Variants in CYRIB observed in about 807,000 individuals in gnomAD.
CYRIB encodes the protein CYFIP related Rac1 interactor B, also known as CYFIP-related Rac1 interactor B.
A neutral mutation model predicts 44.2 loss-of-function variants in CYRIB; 8 were observed. The observed-to-expected ratio is 0.18, with a 90% confidence interval of 0.11 to 0.33. The LOEUF (loss-of-function observed/expected upper bound fraction) is 0.33, where lower values mean the gene tolerates loss of function less well. Among genes scored for constraint, CYRIB ranks in the 10% least tolerant of loss-of-function variants. CYRIB has a pLI of 1.00. For missense variants in CYRIB, 185 were observed against 382.8 expected, an observed-to-expected ratio of 0.48 and a Z score of 4.31; for synonymous variants, 131 against 127.2, an observed-to-expected ratio of 1.03 and a Z score of -0.20.
chr8:129,961,611 A>C (rs1370620468), intron 2 of CYRIB, among the ~76,000 whole-genome samples: 1 of 152,210 alleles, frequency 6.6e-6, no homozygotes, highest in Non-Finnish European at 1.5e-5. Context: ...TGTAAGCTCC[A>C]AGAGGGCAGG....
chr8:129,864,951 C>T, intron 4 of CYRIB: 3 of 241,276 alleles, frequency 1.2e-5, no homozygotes, highest in South Asian at 5.0e-5. Context: ...CTGACATCTG[C>T]CAGCTGAAAG....
intron 1 of CYRIB, among the ~76,000 whole-genome samples, chr8:129,990,771 A>G (rs1591932436): frequency 6.6e-6 from 1 of 151,436 alleles, no homozygotes; most frequent in African/African-American, 2.4e-5. Context: ...CAGTCCTCCC[A>G]CCTCAGCCTC....
chr8:129,848,803 C>T (rs959304698), intron 10 of CYRIB, among the ~76,000 whole-genome samples: 9 of 151,598 alleles, frequency 5.9e-5, no homozygotes, highest in Admixed American at 3.9e-4. Flanking sequence ...TACTCCTGGG[C>T]TCAAGTGATC....
At chr8:129,879,779 G>C in intron 2 of CYRIB, 1 of 247,302 alleles carries the variant, frequency 4.0e-6, no homozygotes, top group Non-Finnish European at 7.7e-6. Flanking sequence ...TATTCCAATA[G>C]TGCTAATATT....
intron 1 of CYRIB, among the ~76,000 whole-genome samples, chr8:129,920,481 G>A (rs2082989926): frequency 6.6e-6 from 1 of 151,924 alleles, no homozygotes; most frequent in African/African-American, 2.4e-5. Context: ...TTCAGATTTT[G>A]GCTATTTCTT....
At chr8:129,968,284 T>C (rs2095561917) in intron 2 of CYRIB, among the ~76,000 whole-genome samples, 1 of 152,240 alleles carries the variant, frequency 6.6e-6, no homozygotes, top group African/African-American at 2.4e-5. Flanking sequence ...GTCATTTAAC[T>C]CTTTTGTTGG....
At chr8:129,998,147 A>C (rs559969369) in intron 1 of CYRIB, among the ~76,000 whole-genome samples, 1 of 151,042 alleles carries the variant, frequency 6.6e-6, no homozygotes, top group African/African-American at 2.4e-5. Flanking sequence ...AACAAAAAAA[A>C]CACCTCAGAA....
At chr8:129,849,302 T>G in exon 10 of CYRIB, 1 of 1,613,600 alleles carries the variant, frequency 6.2e-7, no homozygotes, top group East Asian at 2.2e-5. Context: ...TAGAGTATTA[T>G]GACACCCACC....
chr8:129,941,800 A>T (rs1205962695), upstream of CYRIB, among the ~76,000 whole-genome samples: 1 of 152,178 alleles, frequency 6.6e-6, no homozygotes, highest in Admixed American at 6.5e-5. Flanking sequence ...CAGAAGCAGA[A>T]ATCTTTCATA....
intron 1 of CYRIB, among the ~76,000 whole-genome samples, chr8:129,996,306 C>G (rs905468505): frequency 6.6e-6 from 1 of 152,162 alleles, no homozygotes; most frequent in African/African-American, 2.4e-5. Flanking sequence ...GCTCAGACTT[C>G]CCTACATCAC....
chr8:129,983,484 A>G (rs1318142493), intron 1 of CYRIB, among the ~76,000 whole-genome samples: 1 of 152,078 alleles, frequency 6.6e-6, no homozygotes, highest in African/African-American at 2.4e-5. Context: ...TGTATAAAAA[A>G]TAAACCTGTT....
intron 2 of CYRIB, among the ~76,000 whole-genome samples, chr8:129,965,637 A>G (rs2095445806): frequency 6.6e-6 from 1 of 151,870 alleles, no homozygotes; most frequent in Non-Finnish European, 1.5e-5. Context: ...TCTACTAAAA[A>G]TACAAAAAAT....
exon 1 of CYRIB, chr8:129,939,711 G>C (rs957697780): frequency 1.3e-5 from 2 of 152,250 alleles, no homozygotes. Context: ...GGTCCGGAGC[G>C]GGGGAGCGGC....
At chr8:129,978,122 G>A (rs2096039840) in intron 1 of CYRIB, among the ~76,000 whole-genome samples, 1 of 151,824 alleles carries the variant, frequency 6.6e-6, no homozygotes, top group Non-Finnish European at 1.5e-5. Context: ...GTCTTGCTAT[G>A]TGCCCAGGTC....
intron 1 of CYRIB, among the ~76,000 whole-genome samples, chr8:129,908,576 T>C (rs566279965): frequency 1.3e-5 from 2 of 152,016 alleles, no homozygotes; most frequent in Non-Finnish European, 2.9e-5. Flanking sequence ...ATGGAAATGC[T>C]AGTTTTGCTG....
chr8:129,873,243 A>C (rs995314291), intron 3 of CYRIB, among the ~76,000 whole-genome samples: 3 of 151,996 alleles, frequency 2.0e-5, no homozygotes, highest in African/African-American at 4.8e-5. Flanking sequence ...AAGAGGAGCC[A>C]ATTGAAAAAT....
intron 1 of CYRIB, among the ~76,000 whole-genome samples, chr8:129,995,704 C>T (rs1035550695): frequency 6.6e-6 from 1 of 152,166 alleles, no homozygotes; most frequent in Non-Finnish European, 1.5e-5. Context: ...TTAGCATTTG[C>T]TGGGCATCAC....
rs563929257 is a variant in CYRIB, at chr8:129,857,675, A to T, written c.302-1928T>A. On this transcript the variant is annotated intron_variant, in intron 5 of 11. Transcript: ENST00000519824. ...CTATAGGGGTATGGATGGTGTATCAAGGTGTAACAGTGGATGTGAAGAAGA... is the reference window on the plus strand; with the variant it reads ...CTATAGGGGTATGGATGGTGTATCATGGTGTAACAGTGGATGTGAAGAAGA... 4.3e-4 allele frequency among the ~76,000 whole-genome samples: 65 copies of T among 152,314 alleles called. No homozygotes were observed. The South Asian group carries it at 0.013, about 31-fold the overall frequency.
chr8:129,920,334 A>G (rs2082930172), intron 1 of CYRIB, among the ~76,000 whole-genome samples: 1 of 152,118 alleles, frequency 6.6e-6, no homozygotes, highest in Admixed American at 6.5e-5. Flanking sequence ...CAAGACATCA[A>G]TACACACAAC....
Sources: allele counts gnomAD v4.1 joint callset (sites outside exome capture counted in the v4.1 genomes callset), GRCh38; gene constraint gnomAD v4.1.1; transcripts MANE v1.5; gene names NCBI Gene and HGNC (gene_info 2026-07-23, HGNC 2026-07-21).